The following PFDN2 variants were observed in gnomAD, a reference collection of about 807,000 sequenced individuals.
PFDN2 encodes prefoldin subunit 2.
Under a neutral mutation model 18.3 loss-of-function variants are expected in PFDN2, and 7 were observed. The ratio of observed to expected loss-of-function variants is 0.38; its 90% CI spans 0.22 to 0.72. PFDN2 has a LOEUF of 0.72. Among genes scored for constraint, PFDN2 ranks in the 30% least tolerant of loss-of-function variants. The pLI is 0.47. For synonymous variants in PFDN2, 76 were observed against 75.0 expected (o/e 1.01, Z -0.07); for missense variants, 181 against 199.1 (o/e 0.91, Z 0.55).
At chr1:161,102,241 A>G in intron 2 of PFDN2, 46 bp downstream of exon 2, 2 of 1,612,658 alleles carry the variant, frequency 1.2e-6, no homozygotes, top group Non-Finnish European at 1.7e-6. Flanking sequence ...CTCACGGAGT[A>G]GCCCACACAA....
intron 1 of PFDN2, among the ~76,000 whole-genome samples, chr1:161,115,148 T>C (rs1462986482): frequency 1.3e-5 from 2 of 152,176 alleles, no homozygotes; most frequent in Non-Finnish European, 2.9e-5. Context: ...CTGCAACCTC[T>C]GCCTCCCGGA....
intron 3 of PFDN2, 32 bp from the exon 4 acceptor site, chr1:161,100,891 A>C (rs201882894): frequency 6.5e-7 from 1 of 1,531,576 alleles, no homozygotes; most frequent in East Asian, 2.3e-5. Flanking sequence ...TTATATAAGG[A>C]ATTCAGGACT....
At chr1:161,102,397 T>C (rs750956106) in intron 1 of PFDN2, 22 bp from the exon 2 acceptor site, 1 of 1,589,512 alleles carries the variant, frequency 6.3e-7, no homozygotes, top group Non-Finnish European at 8.6e-7. Context: ...AGAGAAGAGA[T>C]GAAAGAGGGG....
At chr1:161,105,123 T>C (rs1041432115) in intron 1 of PFDN2, among the ~76,000 whole-genome samples, 1 of 152,206 alleles carries the variant, frequency 6.6e-6, no homozygotes, top group African/African-American at 2.4e-5. Flanking sequence ...ATGATCCACT[T>C]TTCTGGATGT....
At chr1:161,108,670 T>G (rs1356506960) in intron 1 of PFDN2, among the ~76,000 whole-genome samples, 1 of 152,100 alleles carries the variant, frequency 6.6e-6, no homozygotes, top group African/African-American at 2.4e-5. Flanking sequence ...GATCAATGAG[T>G]CAAAAAGGCA....
chr1:161,117,815 T>A, intron 1 of PFDN2, 137 bp downstream of exon 1: 1 of 790,640 alleles, frequency 1.3e-6, no homozygotes, highest in South Asian at 1.9e-5. Context: ...CGGCTAGCTT[T>A]TCCGGGGACC....
At chr1:161,108,444 C>A (rs1040695113) in intron 1 of PFDN2, among the ~76,000 whole-genome samples, 2 of 128,016 alleles carry the variant, frequency 1.6e-5, no homozygotes, top group Non-Finnish European at 3.2e-5. Flanking sequence ...GGCACAAGAC[C>A]GAAACTCCGT....
chr1:161,106,938 T>C (rs1654688560), intron 1 of PFDN2, among the ~76,000 whole-genome samples: 2 of 152,234 alleles, frequency 1.3e-5, no homozygotes, highest in Admixed American at 1.3e-4. Context: ...GCCTCTTGAA[T>C]GATGGGACCA....
chr1:161,104,545 A>G (rs4656982), intron 1 of PFDN2, among the ~76,000 whole-genome samples: 54,598 of 150,494 alleles, frequency 0.36, 10,066 homozygotes, highest in East Asian at 0.44. Context: ...CCTGGGCTCT[A>G]GTGATCTTCC....
At chr1:161,114,709 T>C (rs1470845933) in intron 1 of PFDN2, among the ~76,000 whole-genome samples, 1 of 152,218 alleles carries the variant, frequency 6.6e-6, no homozygotes, top group Non-Finnish European at 1.5e-5. Context: ...ATGTAACTCA[T>C]GGGAGGTCAT....
At chr1:161,115,520 G>C (rs1654896864) in intron 1 of PFDN2, among the ~76,000 whole-genome samples, 1 of 152,088 alleles carries the variant, frequency 6.6e-6, no homozygotes, top group Non-Finnish European at 1.5e-5. Context: ...CATTGTCGTG[G>C]CTCAATGATC....
intron 1 of PFDN2, among the ~76,000 whole-genome samples, chr1:161,113,095 T>C (rs1191450609): frequency 6.6e-6 from 1 of 152,194 alleles, no homozygotes; most frequent in Non-Finnish European, 1.5e-5. Flanking sequence ...ATAAATGTAT[T>C]ATTTTATATA....
chr1:161,101,563 G>A (rs899514528), intron 3 of PFDN2, among the ~76,000 whole-genome samples: 1 of 152,172 alleles, frequency 6.6e-6, no homozygotes, highest in African/African-American at 2.4e-5. Flanking sequence ...GGTCTGGGAA[G>A]CTGCATTTAT....
At chr1:161,101,206 TA>T (rs1654549915) in intron 3 of PFDN2, among the ~76,000 whole-genome samples, 2 of 151,862 alleles carry the variant, frequency 1.3e-5, no homozygotes, top group South Asian at 4.2e-4. Context: ...TTATTTTTAA[TA>T]TTTTTTTTTT....
chr1:161,104,446 TC>T (rs1382061159), intron 1 of PFDN2, among the ~76,000 whole-genome samples: 2 of 149,194 alleles, frequency 1.3e-5, no homozygotes, highest in African/African-American at 4.9e-5. Context: ...TTTTTCTTTT[TC>T]TTTTTTTTTT....
intron 2 of PFDN2, 42 bp downstream of exon 2, chr1:161,102,245 C>T (rs751289331): frequency 1.3e-5 from 21 of 1,612,028 alleles, no homozygotes; most frequent in Non-Finnish European, 1.7e-5. Context: ...CGGAGTAGCC[C>T]ACACAACTGT....
intron 2 of PFDN2, 46 bp from the exon 3 acceptor site, chr1:161,102,217 T>C: frequency 6.2e-7 from 1 of 1,613,832 alleles, no homozygotes; most frequent in South Asian, 1.1e-5. Context: ...AGCCCCACTC[T>C]ACTACAAATC....
chr1:161,115,428 G>A (rs556071583), intron 1 of PFDN2, among the ~76,000 whole-genome samples: 35 of 152,250 alleles, frequency 2.3e-4, no homozygotes, highest in Non-Finnish European at 4.3e-4. Flanking sequence ...TAGCCATCCC[G>A]CTCAGGATGT....
intron 1 of PFDN2, among the ~76,000 whole-genome samples, chr1:161,105,650 G>T (rs1019791543): frequency 6.6e-6 from 1 of 151,928 alleles, no homozygotes; most frequent in South Asian, 2.1e-4. Context: ...TAGAGATGGG[G>T]GTTCCACCAT....
Sources: allele counts gnomAD v4.1 joint callset (sites outside exome capture counted in the v4.1 genomes callset), GRCh38; gene constraint gnomAD v4.1.1; transcripts MANE v1.5; gene names NCBI Gene and HGNC (gene_info 2026-07-23, HGNC 2026-07-21).